The following PTBP3 variants were observed in gnomAD, a reference collection of about 807,000 sequenced individuals.
PTBP3 encodes the protein polypyrimidine tract-binding protein 3.
In PTBP3, 20 loss-of-function variants were observed where a neutral mutation model predicts 58.7. The observed-to-expected ratio is 0.34, with a 90% CI of 0.24 to 0.50. The LOEUF (loss-of-function observed/expected upper bound fraction) is 0.50. Among genes scored for constraint, PTBP3 ranks in the 20% least tolerant of loss-of-function variants. PTBP3 has a pLI of 0.98. For missense variants in PTBP3, 509 were observed against 637.2 expected (o/e 0.80, Z 2.17); for synonymous variants, 185 against 219.8 (o/e 0.84, Z 1.40).
intron 5 of PTBP3, among the ~76,000 whole-genome samples, chr9:112,261,389 T>C (rs1306671324): frequency 6.6e-6 from 1 of 152,180 alleles, no homozygotes; most frequent in Non-Finnish European, 1.5e-5. Context: ...CGCCAATTGG[T>C]ATAAGGACTG....
intron 4 of PTBP3, among the ~76,000 whole-genome samples, chr9:112,265,183 G>A (rs1252795992): frequency 1.3e-5 from 2 of 151,656 alleles, no homozygotes; most frequent in Non-Finnish European, 2.9e-5. Context: ...AAAAGAGTAA[G>A]AAATAAGATC....
intron 1 of PTBP3, among the ~76,000 whole-genome samples, chr9:112,303,900 C>G (rs890709768): frequency 6.7e-6 from 1 of 149,892 alleles, no homozygotes; most frequent in African/African-American, 2.5e-5. Context: ...GGCACAGTGG[C>G]TCACACCTGT....
At chr9:112,245,124 C>T (rs62569156) in intron 7 of PTBP3, among the ~76,000 whole-genome samples, 77 of 152,262 alleles carry the variant, frequency 5.1e-4, no homozygotes, top group Non-Finnish European at 7.9e-4. Context: ...GCCTGGCCAA[C>T]ATGGCAAAAC....
At chr9:112,299,491 C>G (rs576916479) in intron 1 of PTBP3, among the ~76,000 whole-genome samples, 7 of 151,990 alleles carry the variant, frequency 4.6e-5, no homozygotes, top group African/African-American at 1.4e-4. Flanking sequence ...ATATCCAGCA[C>G]GTACTAAGAA....
At chr9:112,296,622 CTG>C (rs1374075477) in intron 2 of PTBP3, among the ~76,000 whole-genome samples, 12 of 152,170 alleles carry the variant, frequency 7.9e-5, no homozygotes, top group Non-Finnish European at 1.5e-4. Context: ...CAGTTGTCAA[CTG>C]TGTATGATAC....
At chr9:112,253,057 A>C (rs531484297) in intron 5 of PTBP3, among the ~76,000 whole-genome samples, 2 of 152,324 alleles carry the variant, frequency 1.3e-5, no homozygotes, top group South Asian at 4.1e-4. Flanking sequence ...TACAATAATC[A>C]ATGGTATGAG....
Position 112,333,611 on chromosome 9 carries a change from AAGGAG to A in PTBP3, c.-198_-194del. The A allele has an allele frequency of 9.3e-7, 1 of 1,071,986 alleles. No individual in the cohort carries two copies. Among genetic ancestry groups the A allele is most frequent in the Non-Finnish European group, 1.4e-6 (1 of 733,956 alleles). The allele number at this position is 1,071,986 out of a possible 1,614,324, so 66.4% of individuals were successfully genotyped here. The stretch of plus-strand genomic sequence containing the variant: ...CGGAGCCCCGGCCGGTCCGAGGTGG[AAGGAG>A]AGTGGGAACAGGGGCGGGGACCGGG... On this transcript the variant is annotated 5_prime_UTR_variant, in exon 1 of 14. Transcript: ENST00000374257.
At position 112,223,691 on chromosome 9, in the gene PTBP3, AC is replaced by A; in HGVS notation, c.*159del. On this transcript the variant is annotated 3_prime_UTR_variant, in exon 14 of 14. Transcript: ENST00000374257. ...TTTGACTGGCGGGGGCAGGGGGAAT[AC>A]AAAAAAAAAAAATCCCTTGATTTTT... 3.7e-6 allele frequency: 5 copies of A among 1,348,380 alleles called. No individual in the cohort carries two copies. Among genetic ancestry groups the A allele is most frequent in the Admixed American group, 6.7e-5 (2 of 29,878 alleles). The allele number at this position is 1,348,380 out of a possible 1,614,324, so 83.5% of individuals were successfully genotyped here.
chr9:112,376,010 T>A, the PTBP3 span, among the ~76,000 whole-genome samples: 1 of 151,934 alleles, frequency 6.6e-6, no homozygotes, highest in African/African-American at 2.4e-5. Flanking sequence ...CTGCCACTCA[T>A]CCCTCAAGCA....
chr9:112,363,516 T>TCACACACACACACACACA, the PTBP3 span, among the ~76,000 whole-genome samples: 90 of 134,852 alleles, frequency 6.7e-4, no homozygotes, highest in African/African-American at 2.3e-3. Context: ...AGCAAAACTG[T>TCACACACACACACACACA]CACACACACA....
chr9:112,355,774 C>T, the PTBP3 span, among the ~76,000 whole-genome samples: 20 of 152,066 alleles, frequency 1.3e-4, no homozygotes, highest in East Asian at 2.5e-3. Flanking sequence ...CATGCGCCAC[C>T]GCGCCTGGCT....
chr9:112,379,844 A>C, the PTBP3 span: 2 of 507,074 alleles, frequency 3.9e-6, no homozygotes, highest in South Asian at 2.4e-5. Context: ...CCCAGACGCT[A>C]GGCGCCGACA....
chr9:112,308,272 T>TGGCCTAGGATTC (rs1395961599), intron 1 of PTBP3, among the ~76,000 whole-genome samples: 1 of 150,564 alleles, frequency 6.6e-6, no homozygotes, highest in Non-Finnish European at 1.5e-5. Context: ...AGTGATCCTC[T>TGGCCTAGGATTC]GGCCTAGGAT....
chr9:112,224,293 A>C (rs533748319), intron 12 of PTBP3, 83 bp from the exon 13 acceptor site: 1 of 820,734 alleles, frequency 1.2e-6, no homozygotes, highest in African/African-American at 1.8e-5. Context: ...TCAAATCTCT[A>C]GAGTACATTT....
chr9:112,236,533 T>C (rs985058227), intron 7 of PTBP3, among the ~76,000 whole-genome samples: 7 of 152,156 alleles, frequency 4.6e-5, no homozygotes, highest in Non-Finnish European at 1.0e-4. Flanking sequence ...ATTATGAACA[T>C]CTACACTAGA....
chr9:112,331,263 T>C (rs547859630), intron 1 of PTBP3, among the ~76,000 whole-genome samples: 7 of 152,268 alleles, frequency 4.6e-5, no homozygotes, highest in African/African-American at 1.7e-4. Context: ...ATTAGTCTCC[T>C]GAAGGCAAAA....
Position 112,222,842 on chromosome 9 carries a change from T to A in PTBP3, c.*1009A>T. ...TAAATACACAGTAATTCTGAGTAAG[T>A]ATTAGAGATTATAGTGGTACAAAAA... On this transcript the variant is annotated 3_prime_UTR_variant, in exon 14 of 14. Transcript: ENST00000374257. The A allele has an allele frequency of 1.1e-6, 1 of 892,074 alleles. No individual in the cohort carries two copies. The highest frequency in any genetic ancestry group is 1.3e-6 in the Non-Finnish European group (1 of 744,816). 55.3% of individuals were successfully genotyped at this position (892,074 alleles called of 1,614,324 possible).
the PTBP3 span, among the ~76,000 whole-genome samples, chr9:112,340,889 T>A: frequency 7.3e-5 from 11 of 150,024 alleles, no homozygotes; most frequent in Non-Finnish European, 1.6e-4. Context: ...AAAAAAAAAA[T>A]AAATAAAATA....
At chr9:112,229,073 A>C (rs1835103488) in intron 10 of PTBP3, among the ~76,000 whole-genome samples, 1 of 152,170 alleles carries the variant, frequency 6.6e-6, no homozygotes, top group Admixed American at 6.5e-5. Context: ...GAAAGATAAT[A>C]ATCAAACTCT....
Sources: allele counts gnomAD v4.1 joint callset (sites outside exome capture counted in the v4.1 genomes callset), GRCh38; gene constraint gnomAD v4.1.1; transcripts MANE v1.5; gene names NCBI Gene and HGNC (gene_info 2026-07-23, HGNC 2026-07-21).